DCLK1: variants seen among roughly 807,000 people sequenced by gnomAD.
DCLK1 encodes doublecortin like kinase 1.
Under a neutral mutation model 86.2 loss-of-function variants are expected in DCLK1, and 16 were observed. The ratio of observed to expected loss-of-function variants is 0.19; its 90% CI spans 0.13 to 0.28. The LOEUF (loss-of-function observed/expected upper bound fraction) is 0.28. Among genes scored for constraint, DCLK1 ranks in the 10% least tolerant of loss-of-function variants. DCLK1 has a pLI of 1.00. For missense variants in DCLK1, 590 were observed against 940.2 expected, an observed-to-expected ratio of 0.63 and a Z score of 4.87; for synonymous variants, 369 against 370.5, an observed-to-expected ratio of 1.00 and a Z score of 0.05.
intron 3 of DCLK1, among the ~76,000 whole-genome samples, chr13:35,991,685 T>C (rs1209335152): frequency 1.3e-5 from 2 of 152,114 alleles, no homozygotes; most frequent in Non-Finnish European, 2.9e-5. Context: ...CAACAACTTG[T>C]ATTAAGTAAA....
intron 15 of DCLK1, among the ~76,000 whole-genome samples, chr13:35,801,505 A>T (rs1566539611): frequency 1.3e-5 from 2 of 149,890 alleles, no homozygotes; most frequent in Admixed American, 6.6e-5. Flanking sequence ...CAGAAAGGGT[A>T]TTTTTTTTTT....
intron 3 of DCLK1, among the ~76,000 whole-genome samples, chr13:36,086,035 T>C (rs1884585819): frequency 6.6e-6 from 1 of 152,236 alleles, no homozygotes; most frequent in Non-Finnish European, 1.5e-5. Context: ...ACCACAGGGT[T>C]AGACACTTTT....
At position 36,026,926 on chromosome 13, in the gene DCLK1, T is replaced by C. The variant is rs536720840; in HGVS notation, c.724-79469A>G. On this transcript the variant is annotated intron_variant, in intron 3 of 16. Coordinates refer to ENST00000360631, the MANE Select transcript of DCLK1 (RefSeq NM_001330071.2). The stretch of plus-strand genomic sequence containing the variant: ...TAATCCAAAACAAGGTATATTGATA[T>C]AGAGAGCTACCCATCCTTGAGTTAT... Among the ~76,000 whole-genome samples, 4 of 152,286 alleles carry C rather than the reference T, an allele frequency of 2.6e-5. No homozygotes were observed. In the East Asian group the frequency reaches 7.7e-4, roughly 29 times the overall value.
intron 3 of DCLK1, among the ~76,000 whole-genome samples, chr13:35,957,683 A>T (rs1878070308): frequency 6.6e-6 from 1 of 152,184 alleles, no homozygotes; most frequent in Non-Finnish European, 1.5e-5. Flanking sequence ...AAGCCATGGA[A>T]GTATGCTTTT....
At chr13:35,794,371 A>G (rs543761905) in intron 15 of DCLK1, among the ~76,000 whole-genome samples, 23 of 152,352 alleles carry the variant, frequency 1.5e-4, no homozygotes, top group Admixed American at 6.5e-4. Flanking sequence ...ACTGCTAAAA[A>G]GAAACTCCTG....
chr13:35,789,229 T>C (rs554787876), intron 16 of DCLK1, among the ~76,000 whole-genome samples: 5 of 152,306 alleles, frequency 3.3e-5, no homozygotes, highest in African/African-American at 1.2e-4. Context: ...AGTGCGTTAC[T>C]GGTATGATGC....
intron 3 of DCLK1, among the ~76,000 whole-genome samples, chr13:35,995,686 A>G (rs983545111): frequency 1.3e-5 from 2 of 152,238 alleles, no homozygotes; most frequent in African/African-American, 4.8e-5. Flanking sequence ...ACAGGTGAGC[A>G]AATAATAGAA....
At chr13:35,958,111 T>TAAC (rs1566620502) in intron 3 of DCLK1, among the ~76,000 whole-genome samples, 1 of 74,696 alleles carries the variant, frequency 1.3e-5, no homozygotes, top group Non-Finnish European at 2.7e-5. Flanking sequence ...ATAACCACCA[T>TAAC]CACCACCACC....
At chr13:35,958,126 C>CTATAACCATCACCACCAT (rs1878163811) in intron 3 of DCLK1, among the ~76,000 whole-genome samples, 1 of 4,362 alleles carries the variant, frequency 2.3e-4, no homozygotes. Flanking sequence ...ACCACCACTA[C>CTATAACCATCACCACCAT]CACTACTATA....
At chr13:35,831,562 G>A (rs1868963354) in intron 8 of DCLK1, among the ~76,000 whole-genome samples, 1 of 152,054 alleles carries the variant, frequency 6.6e-6, no homozygotes, top group Admixed American at 6.6e-5. Context: ...GGATTCAGAG[G>A]GGAACGAGAC....
intron 5 of DCLK1, among the ~76,000 whole-genome samples, chr13:35,858,853 T>C (rs910722093): frequency 1.3e-5 from 2 of 152,224 alleles, no homozygotes; most frequent in East Asian, 1.9e-4. Context: ...GGGAACAGCA[T>C]GTACTCTTAG....
intron 4 of DCLK1, among the ~76,000 whole-genome samples, chr13:35,924,763 C>G (rs907482098): frequency 9.9e-5 from 15 of 152,218 alleles, no homozygotes; most frequent in African/African-American, 3.4e-4. Flanking sequence ...CATGAAGGAG[C>G]ATATTCACCA....
In DCLK1 at chr13:35,810,928, C is replaced by T. The variant is rs1282469303; in HGVS notation, c.1595G>A (p.Gly532Asp). Residue 532 changes from glycine to aspartate, a missense_variant, in exon 12 of 17, where the codon GGT becomes GAT. This residue lies in a region of DCLK1 where 28 missense variants were observed against 77.1 expected (regional missense o/e 0.36). Transcript: ENST00000360631. ...TACAATGGTGGCCAGTCCAAAGTCA[C>T]CCAGCTTCAGTGATTTGCTGCCATC... is the stretch of plus-strand genomic sequence containing the variant. ...HQDGSKSLKL[G>D]DFGLATIVDG... 1 of 1,614,066 alleles carries T rather than the reference C, an allele frequency of 6.2e-7. No homozygotes were observed. Among genetic ancestry groups the T allele is most frequent in the Non-Finnish European group, 8.5e-7 (1 of 1,179,956 alleles).
chr13:35,982,616 A>G (rs1566631888), intron 3 of DCLK1, among the ~76,000 whole-genome samples: 1 of 152,172 alleles, frequency 6.6e-6, no homozygotes, highest in East Asian at 1.9e-4. Context: ...ATTACTATAA[A>G]TAACACAAGC....
chr13:35,808,337 C>A lies in DCLK1; in HGVS notation c.1767-17G>T. ...TCACCACTTCTGTTTAGGTGAACGA[C>A]AACAAGGAAAAACAGCACTAAGATA... On this transcript the variant is annotated splice_polypyrimidine_tract_variant and intron_variant, in intron 13 of 16. Coordinates refer to ENST00000360631, the MANE Select transcript of DCLK1 (RefSeq NM_001330071.2). 6.2e-7 allele frequency: 1 copy of A among 1,609,680 alleles called. No homozygotes were observed. Among genetic ancestry groups the A allele is most frequent in the Middle Eastern group, 1.7e-4 (1 of 6,054 alleles).
chr13:36,090,195 GA>G (rs1012894533), intron 3 of DCLK1, among the ~76,000 whole-genome samples: 11 of 152,156 alleles, frequency 7.2e-5, no homozygotes, highest in African/African-American at 2.4e-4. Flanking sequence ...AAGACAAAAA[GA>G]AAAATAGTTT....
At chr13:35,821,029 C>T (rs980756761) in intron 11 of DCLK1, among the ~76,000 whole-genome samples, 2 of 152,210 alleles carry the variant, frequency 1.3e-5, no homozygotes, top group Non-Finnish European at 2.9e-5. Flanking sequence ...GTTAACCTCT[C>T]CTTAATGCAG....
chr13:35,920,975 G>GC (rs1288935215), intron 4 of DCLK1, among the ~76,000 whole-genome samples: 3 of 151,854 alleles, frequency 2.0e-5, no homozygotes, highest in Non-Finnish European at 2.9e-5. Context: ...ACTGCTCCCT[G>GC]CCCCCCACGG....
intron 3 of DCLK1, among the ~76,000 whole-genome samples, chr13:36,064,225 T>C (rs576626805): frequency 3.3e-5 from 5 of 152,216 alleles, no homozygotes; most frequent in African/African-American, 1.2e-4. Context: ...CACAAAGCTT[T>C]AGGCATCACT....
Sources: allele counts gnomAD v4.1 joint callset (sites outside exome capture counted in the v4.1 genomes callset), GRCh38; gene constraint gnomAD v4.1.1; regional missense constraint gnomAD v4.1.1; transcripts MANE v1.5; gene names NCBI Gene and HGNC (gene_info 2026-07-23, HGNC 2026-07-21).